Variants in WFS1 observed in about 807,000 individuals in gnomAD.
WFS1 encodes wolframin ER transmembrane glycoprotein.
In WFS1, 90 loss-of-function variants were observed where a neutral mutation model predicts 68.5. The ratio of observed to expected loss-of-function variants is 1.31; its 90% CI spans 1.11 to 1.56. The LOEUF (loss-of-function observed/expected upper bound fraction) is 1.56, where lower values mean the gene tolerates loss of function less well. WFS1 is among the 40% of genes most tolerant of loss of function. WFS1 has a pLI of 0.00. For synonymous variants in WFS1, 860 were observed against 540.7 expected, an observed-to-expected ratio of 1.59 and a Z score of -8.19; for missense variants, 1,767 against 1,232.6, an observed-to-expected ratio of 1.43 and a Z score of -6.49.
rs1332800227 is a variant in WFS1 at position 6,299,598 on chromosome 4, G to C, written c.862-1059G>C. Among the ~76,000 whole-genome samples, 11 of 32,520 alleles carry C rather than the reference G, an allele frequency of 3.4e-4. 2 individuals are homozygous for C. The highest frequency in any genetic ancestry group is 9.0e-4 in the Admixed American group (2 of 2,214). 21.3% of individuals were successfully genotyped at this position (32,520 alleles called of 152,430 possible). A position where few individuals can be genotyped will look rare whatever the true frequency, so the allele number is the denominator to read the frequency against. On this transcript the variant is annotated intron_variant, in intron 7 of 7. Transcript: ENST00000226760. ...GTGTGTGAATGTGTGTGTAGGGGTG[G>C]GTTTGAATGCAGGTAGGTTGCGTGT...
chr4:6,284,246 G>A (rs758643288), intron 2 of WFS1, among the ~76,000 whole-genome samples: 4 of 152,030 alleles, frequency 2.6e-5, no homozygotes, highest in Non-Finnish European at 4.4e-5. Context: ...GGTGGCGGCC[G>A]CCTGTATTCC....
In WFS1 at chr4:6,302,653, T is replaced by C; in HGVS notation, c.*185T>C. The C allele has an allele frequency of 1.2e-6, 1 of 802,158 alleles. No individual in the cohort carries two copies. 49.7% of individuals were successfully genotyped at this position (802,158 alleles called of 1,614,324 possible). ...CAAAGGGAAGGCTGCTGTGTAGCTC[T>C]GTCCACTCTGAATACCAAGTGTGTT... On this transcript the variant is annotated 3_prime_UTR_variant, in exon 8 of 8. Coordinates refer to ENST00000226760, the MANE Select transcript of WFS1 (RefSeq NM_006005.3).
chr4:6,295,241 G>A (rs753057726), intron 7 of WFS1, 52 bp downstream of exon 7: 7 of 1,605,434 alleles, frequency 4.4e-6, no homozygotes, highest in Middle Eastern at 2.2e-4. Context: ...AAGGACTCGC[G>A]CACCTCAGGC....
chr4:6,300,614 G>T (rs748917720), intron 7 of WFS1, 43 bp from the exon 8 acceptor site: 1 of 1,612,892 alleles, frequency 6.2e-7, no homozygotes, highest in Non-Finnish European at 8.5e-7. Context: ...GAGCAGTGGG[G>T]GTCCTGTCCC....
intron 2 of WFS1, among the ~76,000 whole-genome samples, chr4:6,278,702 A>G (rs1436902047): frequency 1.3e-5 from 2 of 152,182 alleles, no homozygotes; most frequent in Non-Finnish European, 2.9e-5. Context: ...TGAGGCTCCC[A>G]TGTACCACTT....
intron 7 of WFS1, among the ~76,000 whole-genome samples, chr4:6,298,328 C>T (rs1730698302): frequency 6.6e-6 from 1 of 152,216 alleles, no homozygotes; most frequent in African/African-American, 2.4e-5. Context: ...CATAAATGCC[C>T]TCTGGCTCTC....
At position 6,301,877 on chromosome 4, in the gene WFS1, G is replaced by C. The variant is rs751270928; in HGVS notation, c.2082G>C (p.Glu694Asp). ...ARTQILCSHL[E>D]GHRVTWTGRF... Reference sequence around the variant, plus strand: ...CCCAGATCCTCTGCAGCCACCTGGAGGGCCACAGGGTCACGTGGACCGGCC... The same window carrying C: ...CCCAGATCCTCTGCAGCCACCTGGACGGCCACAGGGTCACGTGGACCGGCC... The change falls in exon 8 of 8, where the codon GAG (glutamate) becomes GAC (aspartate). Residue 694 changes from glutamate (E) to aspartate (D), a missense_variant. Physicochemically the swap from Glu to Asp is conservative, Grantham distance 45. Coordinates refer to ENST00000226760, the MANE Select transcript of WFS1 (RefSeq NM_006005.3). 1 of 1,612,896 alleles carries C rather than the reference G, an allele frequency of 6.2e-7. No homozygotes were observed. Among genetic ancestry groups the C allele is most frequent in the Non-Finnish European group, 8.5e-7 (1 of 1,179,786 alleles).
In WFS1 at chr4:6,301,957, A is replaced by T. The variant is rs753696387; in HGVS notation, c.2162A>T (p.Asn721Ile). Residue 721 changes from asparagine to isoleucine, a missense_variant, in exon 8 of 8, where the codon AAC (asparagine) becomes ATC (isoleucine). Asn to Ile is a moderately radical substitution (Grantham distance 149, BLOSUM62 -3). Coordinates refer to ENST00000226760, the MANE Select transcript of WFS1 (RefSeq NM_006005.3). ...DIDNSAESAINMLPFFIGDWM... is the reference protein window; with the variant it reads ...DIDNSAESAIIMLPFFIGDWM... ...GACAACAGCGCCGAGTCTGCCATCA[A>T]CATGCTCCCGTTCTTCATCGGCGAC... is the stretch of plus-strand genomic sequence containing the variant. The T allele has an allele frequency of 6.2e-7, 1 of 1,612,844 alleles. No individual in the cohort carries two copies. Among genetic ancestry groups the T allele is most frequent in the South Asian group, 1.1e-5 (1 of 91,064 alleles).
At position 6,302,671 on chromosome 4, in the gene WFS1, A is replaced by C. The variant is rs960533920; in HGVS notation, c.*203A>C. 2 of 727,390 alleles carry C rather than the reference A, an allele frequency of 2.7e-6. No homozygotes were observed. The highest frequency in any genetic ancestry group is 5.5e-5 in the East Asian group (2 of 36,474). 45.1% of individuals were successfully genotyped at this position (727,390 alleles called of 1,614,324 possible). A position where few individuals can be genotyped will look rare whatever the true frequency, so the allele number is the denominator to read the frequency against. On this transcript the variant is annotated 3_prime_UTR_variant, in exon 8 of 8. Transcript: ENST00000226760. ...GTAGCTCTGTCCACTCTGAATACCA[A>C]GTGTGTTGGGAATTGCATGCCATCT...
rs745487241 is a variant in WFS1 at position 6,300,977 on chromosome 4, G to T, written c.1182G>T (p.Glu394Asp). 3 of 1,613,848 alleles carry T rather than the reference G, an allele frequency of 1.9e-6. No individual in the cohort carries two copies. The highest frequency in any genetic ancestry group is 2.5e-6 in the Non-Finnish European group (3 of 1,180,018). The change falls in exon 8 of 8, where the codon GAG becomes GAT. Residue 394 changes from glutamate to aspartate, a missense_variant. By Grantham distance (45) the Glu-to-Asp change is conservative (BLOSUM62 2). Transcript: ENST00000226760. The part of the protein sequence containing the change: ...FEPNLDVEQA[E>D]VNFGWNHLEP... ...CCAACCTGGATGTGGAGCAGGCCGAGGTCAACTTCGGCTGGAACCACCTGG... is the reference window on the plus strand; with the variant it reads ...CCAACCTGGATGTGGAGCAGGCCGATGTCAACTTCGGCTGGAACCACCTGG...
intron 4 of WFS1, among the ~76,000 whole-genome samples, chr4:6,290,580 A>G (rs75990806): frequency 0.013 from 1,979 of 152,360 alleles, 49 homozygotes; most frequent in African/African-American, 0.044. Flanking sequence ...GAAATGTTCA[A>G]AAGGAGAAAA....
chr4:6,295,258 C>A lies in WFS1; in HGVS notation c.861+69C>A. On this transcript the variant is annotated intron_variant, in intron 7 of 7. Transcript: ENST00000226760. Reference sequence around the variant, plus strand: ...GGACTCGCGCACCTCAGGCAGGGCACCTTCCAGGAAGCTGCAGGTGGGGAG... The same window carrying A: ...GGACTCGCGCACCTCAGGCAGGGCAACTTCCAGGAAGCTGCAGGTGGGGAG... The A allele has an allele frequency of 1.9e-6, 3 of 1,595,712 alleles. No individual in the cohort carries two copies. The South Asian group carries it at 3.3e-5, about 18-fold the overall frequency.
rs573912762 is a variant in WFS1 at position 6,298,626 on chromosome 4, A to G, written c.862-2031A>G. Among the ~76,000 whole-genome samples the G allele has an allele frequency of 2.6e-5, 4 of 152,064 alleles. No homozygotes were observed. The South Asian group carries it at 8.4e-4, about 32-fold the overall frequency. On this transcript the variant is annotated intron_variant, in intron 7 of 7. Coordinates refer to ENST00000226760, the MANE Select transcript of WFS1 (RefSeq NM_006005.3). ...ATGAGCCTGTCCTTCTCATCTGTGG[A>G]AGGCTCAGTCTGTGTAGACATGCAT...
At chr4:6,279,562 G>A (rs920528620) in intron 2 of WFS1, among the ~76,000 whole-genome samples, 1 of 152,186 alleles carries the variant, frequency 6.6e-6, no homozygotes, top group African/African-American at 2.4e-5. Flanking sequence ...CACAGAGCAG[G>A]TTGGCCTGTC....
At chr4:6,282,296 G>T (rs1231281405) in intron 2 of WFS1, among the ~76,000 whole-genome samples, 2 of 152,254 alleles carry the variant, frequency 1.3e-5, no homozygotes, top group Non-Finnish European at 2.9e-5. Context: ...CCCATGTGGG[G>T]GATGCGCCGG....
intron 7 of WFS1, among the ~76,000 whole-genome samples, chr4:6,299,830 A>ATG (rs541277997): frequency 4.4e-4 from 28 of 64,206 alleles, no homozygotes; most frequent in Non-Finnish European, 5.1e-4. Flanking sequence ...GTGTGTGTGA[A>ATG]TGTGTATAGG....
At chr4:6,294,512 G>A (rs1245093753) in intron 6 of WFS1, among the ~76,000 whole-genome samples, 1 of 152,168 alleles carries the variant, frequency 6.6e-6, no homozygotes, top group Non-Finnish European at 1.5e-5. Flanking sequence ...GGCAGATCAT[G>A]TTGGATGGAG....
intron 2 of WFS1, among the ~76,000 whole-genome samples, chr4:6,284,879 C>T (rs1730267344): frequency 6.6e-6 from 1 of 150,424 alleles, no homozygotes; most frequent in Non-Finnish European, 1.5e-5. Context: ...TCTGTGGGCC[C>T]ATGGCCTTGG....
rs144308365 is a variant in WFS1, at chr4:6,300,966, G to A, written c.1171G>A (p.Glu391Lys). 7 of 1,613,864 alleles carry A rather than the reference G, an allele frequency of 4.3e-6. No individual in the cohort carries two copies. The highest frequency in any genetic ancestry group is 8.5e-7 in the Non-Finnish European group (1 of 1,180,022). ...LLRFEPNLDV[E>K]QAEVNFGWNH... is the part of the protein sequence containing the mutation. ...GCGCTTCGAGCCCAACCTGGATGTG[G>A]AGCAGGCCGAGGTCAACTTCGGCTG... Residue 391 changes from glutamate to lysine, a missense_variant, in exon 8 of 8, where the codon GAG (glutamate) becomes AAG (lysine). By Grantham distance (56) the Glu-to-Lys change is moderately conservative. Transcript: ENST00000226760.
Sources: allele counts gnomAD v4.1 joint callset (sites outside exome capture counted in the v4.1 genomes callset), GRCh38; gene constraint gnomAD v4.1.1; transcripts MANE v1.5; gene names NCBI Gene and HGNC (gene_info 2026-07-23, HGNC 2026-07-21).